LZTFL1: variants seen among roughly 807,000 people sequenced by gnomAD.
The protein encoded by LZTFL1 is leucine zipper transcription factor-like protein 1.
LZTFL1 carries 25 observed loss-of-function variants against 45.9 expected under a neutral mutation model. The observed-to-expected ratio is 0.54, with a 90% CI of 0.40 to 0.76. LZTFL1 has a LOEUF of 0.76. Among genes scored for constraint, LZTFL1 ranks in the 30% least tolerant of loss-of-function variants. The probability of loss-of-function intolerance (pLI) is 0.00; values close to 1 mark genes in which losing one functional copy is unlikely to be tolerated. For missense variants in LZTFL1, 277 were observed against 331.1 expected (o/e 0.84, Z 1.27); for synonymous variants, 93 against 117.4 (o/e 0.79, Z 1.35).
chr3:45,898,917 C>T (rs1702456200), intron 2 of LZTFL1, among the ~76,000 whole-genome samples: 1 of 152,350 alleles, frequency 6.6e-6, no homozygotes, highest in South Asian at 2.1e-4. Flanking sequence ...CCTGTAATGC[C>T]AGCACTTTCG....
intron 2 of LZTFL1, among the ~76,000 whole-genome samples, chr3:45,874,357 T>A (rs1292532247): frequency 6.6e-6 from 1 of 152,236 alleles, no homozygotes; most frequent in Non-Finnish European, 1.5e-5. Context: ...TACTTGCTGC[T>A]AAGTCCTTTA....
At chr3:45,827,032 C>A in intron 9 of LZTFL1, 1 of 271,916 alleles carries the variant, frequency 3.7e-6, no homozygotes. Context: ...AGTATACCAC[C>A]AAGGAGAAGA....
chr3:45,915,452 T>C (rs889428951), exon 1 of LZTFL1: 8 of 452,786 alleles, frequency 1.8e-5, no homozygotes, highest in Non-Finnish European at 3.1e-5. Flanking sequence ...CTCCCAGAAA[T>C]GGCTTCCTTC....
intron 4 of LZTFL1, among the ~76,000 whole-genome samples, chr3:45,851,372 A>G (rs1304241241): frequency 6.6e-6 from 1 of 151,592 alleles, no homozygotes; most frequent in Non-Finnish European, 1.5e-5. Flanking sequence ...GATTACAGGC[A>G]CCTGCCACCA....
chr3:45,906,016 G>A (rs1190685477), intron 2 of LZTFL1, among the ~76,000 whole-genome samples: 4 of 152,128 alleles, frequency 2.6e-5, no homozygotes, highest in Admixed American at 6.5e-5. Flanking sequence ...TCCCTCCAAA[G>A]GCATTGATTC....
chr3:45,892,174 AAC>A (rs1234995593), intron 2 of LZTFL1, among the ~76,000 whole-genome samples: 1 of 152,192 alleles, frequency 6.6e-6, no homozygotes, highest in African/African-American at 2.4e-5. Flanking sequence ...ATGTATGTGA[AAC>A]ACACATACAT....
intron 2 of LZTFL1, among the ~76,000 whole-genome samples, chr3:45,881,397 C>T (rs1170203654): frequency 6.6e-6 from 1 of 152,136 alleles, no homozygotes; most frequent in African/African-American, 2.4e-5. Flanking sequence ...TGTTCTCTTC[C>T]TCCTGCAACA....
intron 4 of LZTFL1, among the ~76,000 whole-genome samples, chr3:45,850,571 A>T (rs1216806075): frequency 6.6e-6 from 1 of 152,148 alleles, no homozygotes; most frequent in Non-Finnish European, 1.5e-5. Context: ...AGTGTCCCCA[A>T]ATTGCCTGAT....
At chr3:45,859,608 A>G (rs1189311112) in intron 2 of LZTFL1, among the ~76,000 whole-genome samples, 1 of 152,002 alleles carries the variant, frequency 6.6e-6, no homozygotes, top group Non-Finnish European at 1.5e-5. Flanking sequence ...GAATGAATGA[A>G]AGTGGATCTT....
At chr3:45,828,384 C>T in intron 8 of LZTFL1, 55 bp downstream of exon 8, 1 of 1,484,118 alleles carries the variant, frequency 6.7e-7, no homozygotes, top group African/African-American at 1.4e-5. Flanking sequence ...TTCCTCTATA[C>T]TGTGTGCATT....
intron 3 of LZTFL1, among the ~76,000 whole-genome samples, chr3:45,856,786 A>T (rs1701400681): frequency 6.6e-6 from 1 of 152,182 alleles, no homozygotes; most frequent in South Asian, 2.1e-4. Flanking sequence ...AACATCACTG[A>T]TTGGTAGAGA....
intron 4 of LZTFL1, among the ~76,000 whole-genome samples, chr3:45,848,711 C>G (rs145991103): frequency 9.1e-4 from 139 of 152,246 alleles, no homozygotes; most frequent in African/African-American, 3.0e-3. Flanking sequence ...TTACATTTCT[C>G]TCTGCTGTGA....
At chr3:45,837,896 A>G (rs754203177) in intron 2 of LZTFL1, 31 bp downstream of exon 2, 2 of 1,564,432 alleles carry the variant, frequency 1.3e-6, no homozygotes, top group Non-Finnish European at 1.7e-6. Flanking sequence ...CCATGTTCCT[A>G]TTTGGTTTGC....
At chr3:45,851,343 C>T (rs1333118680) in intron 4 of LZTFL1, among the ~76,000 whole-genome samples, 1 of 151,654 alleles carries the variant, frequency 6.6e-6, no homozygotes, top group East Asian at 1.9e-4. Context: ...TCTCCTGCAT[C>T]AGCCTCCTGA....
intron 4 of LZTFL1, among the ~76,000 whole-genome samples, chr3:45,847,281 G>A (rs1701232929): frequency 1.3e-5 from 2 of 152,208 alleles, no homozygotes; most frequent in African/African-American, 4.8e-5. Context: ...TTTCAGGGTT[G>A]ATGGCTTTCA....
At chr3:45,884,746 A>C (rs1701935743) in intron 2 of LZTFL1, among the ~76,000 whole-genome samples, 1 of 152,176 alleles carries the variant, frequency 6.6e-6, no homozygotes, top group South Asian at 2.1e-4. Context: ...TGCGTGTCTC[A>C]CCTCGCTGCA....
intron 2 of LZTFL1, among the ~76,000 whole-genome samples, chr3:45,837,196 A>G (rs1575259056): frequency 6.6e-6 from 1 of 152,360 alleles, no homozygotes; most frequent in East Asian, 1.9e-4. Context: ...AATCCTTATT[A>G]AAATATTAAT....
intron 1 of LZTFL1, among the ~76,000 whole-genome samples, chr3:45,914,679 T>C (rs1575315862): frequency 6.6e-6 from 1 of 152,218 alleles, no homozygotes; most frequent in Non-Finnish European, 1.5e-5. Flanking sequence ...AAATGAACAG[T>C]TGACTCTGGA....
intron 4 of LZTFL1, among the ~76,000 whole-genome samples, chr3:45,833,756 G>A (rs1700895253): frequency 6.6e-6 from 1 of 152,194 alleles, no homozygotes; most frequent in African/African-American, 2.4e-5. Context: ...TTTACGGTGT[G>A]CCCGTGAAGT....
Sources: allele counts gnomAD v4.1 joint callset (sites outside exome capture counted in the v4.1 genomes callset), GRCh38; gene constraint gnomAD v4.1.1; transcripts MANE v1.5; gene names NCBI Gene and HGNC (gene_info 2026-07-23, HGNC 2026-07-21).